PAPPA: variants seen among roughly 807,000 people sequenced by gnomAD.
PAPPA encodes the protein pappalysin-1.
Under a neutral mutation model 164.0 loss-of-function variants are expected in PAPPA, and 60 were observed. That is an observed-to-expected ratio of 0.37 (90% confidence interval 0.30 to 0.45). The LOEUF (loss-of-function observed/expected upper bound fraction) is 0.45, where lower values mean the gene tolerates loss of function less well. PAPPA is among the 20% of genes least tolerant of loss of function. The pLI is 1.00. For synonymous variants in PAPPA, 875 were observed against 814.1 expected (o/e 1.07, Z -1.27); for missense variants, 1,782 against 2,087.3 (o/e 0.85, Z 2.85).
chr9:116,162,832 A>G (rs1426503732), intron 1 of PAPPA, among the ~76,000 whole-genome samples: 1 of 152,188 alleles, frequency 6.6e-6, no homozygotes, highest in Non-Finnish European at 1.5e-5. Context: ...AAAGCCAGGA[A>G]TTGCCTTTTC....
intron 1 of PAPPA, among the ~76,000 whole-genome samples, chr9:116,164,034 T>A (rs1041331957): frequency 6.6e-6 from 1 of 152,190 alleles, no homozygotes; most frequent in Non-Finnish European, 1.5e-5. Context: ...CATCACTTAC[T>A]GGGTGAATGC....
chr9:116,389,204 C>A (rs185976064), intron 21 of PAPPA, among the ~76,000 whole-genome samples: 54 of 148,176 alleles, frequency 3.6e-4, no homozygotes, highest in African/African-American at 1.4e-3. Context: ...ATAATCTTGG[C>A]TCACTGCAAC....
At chr9:116,248,695 G>T (rs1274764568) in intron 7 of PAPPA, among the ~76,000 whole-genome samples, 2 of 152,130 alleles carry the variant, frequency 1.3e-5, no homozygotes, top group Admixed American at 1.3e-4. Flanking sequence ...TAGAGGTGGG[G>T]GCTGTGTAAT....
intron 10 of PAPPA, among the ~76,000 whole-genome samples, chr9:116,327,736 C>T (rs72754265): frequency 6.6e-6 from 1 of 152,204 alleles, no homozygotes; most frequent in Non-Finnish European, 1.5e-5. Context: ...TGCCATATGC[C>T]CTCAGTAAAT....
chr9:116,372,106 T>C lies in PAPPA; in HGVS notation c.4605+4352T>C, dbSNP rs988841273. ...TTCCCTGTACATGCACTTTTCAAAGTGATTAGAGGTACAGAGAACTCTTCC... is the reference window on the plus strand; with the variant it reads ...TTCCCTGTACATGCACTTTTCAAAGCGATTAGAGGTACAGAGAACTCTTCC... On this transcript the variant is annotated intron_variant, in intron 19 of 21. Transcript: ENST00000328252. Among the ~76,000 whole-genome samples the C allele has an allele frequency of 1.7e-4, 26 of 152,340 alleles. 1 individual carries two copies. In the Middle Eastern group the frequency reaches 0.017, roughly 100 times the overall value.
At chr9:116,335,338 T>C (rs543775241) in intron 13 of PAPPA, among the ~76,000 whole-genome samples, 11 of 152,072 alleles carry the variant, frequency 7.2e-5, no homozygotes, top group Non-Finnish European at 1.3e-4. Flanking sequence ...AGCTTGCAGG[T>C]TGACCCTGGA....
At chr9:116,284,326 T>A (rs1425288983) in intron 9 of PAPPA, among the ~76,000 whole-genome samples, 4 of 152,192 alleles carry the variant, frequency 2.6e-5, no homozygotes, top group Admixed American at 2.6e-4. Context: ...AATATTTTTC[T>A]CTTTTGTCTT....
chr9:116,373,274 T>TTTAC (rs1846600024), intron 19 of PAPPA: 1 of 152,068 alleles, frequency 6.6e-6, no homozygotes, highest in South Asian at 2.1e-4. Flanking sequence ...CATTTGTTCA[T>TTTAC]TTACTTATTC....
chr9:116,163,294 A>G (rs2118978168), intron 1 of PAPPA, among the ~76,000 whole-genome samples: 1 of 152,280 alleles, frequency 6.6e-6, no homozygotes, highest in South Asian at 2.1e-4. Context: ...GGGAGTGGGG[A>G]TGCAGGAGGA....
chr9:116,160,327 T>C (rs1175660114), intron 1 of PAPPA, among the ~76,000 whole-genome samples: 5 of 152,194 alleles, frequency 3.3e-5, no homozygotes, highest in African/African-American at 9.6e-5. Context: ...TCCAGTGCCA[T>C]TCCTGTGTGG....
intron 2 of PAPPA, among the ~76,000 whole-genome samples, chr9:116,188,717 T>A (rs1844008133): frequency 6.6e-6 from 1 of 152,330 alleles, no homozygotes; most frequent in South Asian, 2.1e-4. Context: ...AACACTTCAG[T>A]CATCACAGAA....
At chr9:116,375,581 C>T (rs1220055411) in intron 19 of PAPPA, among the ~76,000 whole-genome samples, 1 of 152,158 alleles carries the variant, frequency 6.6e-6, no homozygotes, top group African/African-American at 2.4e-5. Context: ...ATTTATTTAG[C>T]ATCCCCTCTG....
At chr9:116,342,508 T>G (rs1286733991) in intron 13 of PAPPA, among the ~76,000 whole-genome samples, 1 of 152,116 alleles carries the variant, frequency 6.6e-6, no homozygotes, top group East Asian at 1.9e-4. Context: ...AAAAGTAAAT[T>G]GGTTTGTGAT....
At chr9:116,259,605 G>T (rs1265237044) in intron 7 of PAPPA, among the ~76,000 whole-genome samples, 2 of 152,130 alleles carry the variant, frequency 1.3e-5, no homozygotes, top group Admixed American at 1.3e-4. Flanking sequence ...GTATCATTTA[G>T]TAACCATCAG....
intron 21 of PAPPA, among the ~76,000 whole-genome samples, chr9:116,392,717 A>G (rs1307985066): frequency 6.6e-6 from 1 of 152,148 alleles, no homozygotes; most frequent in Non-Finnish European, 1.5e-5. Context: ...AGAAAACACC[A>G]TGTGTCTCCT....
At chr9:116,235,050 A>C (rs545490528) in intron 6 of PAPPA, 89 bp from the exon 7 acceptor site, 202 of 1,485,964 alleles carry the variant, frequency 1.4e-4, no homozygotes, top group Non-Finnish European at 1.8e-4. Context: ...TTCTAGTCAG[A>C]CCAATTTCTC....
At chr9:116,208,535 T>G (rs1844266170) in intron 3 of PAPPA, among the ~76,000 whole-genome samples, 1 of 152,206 alleles carries the variant, frequency 6.6e-6, no homozygotes, top group Non-Finnish European at 1.5e-5. Context: ...TGCCATTTAT[T>G]TAATCATTTT....
chr9:116,208,824 TTG>T lies in PAPPA; in HGVS notation c.1624+1240_1624+1241del, dbSNP rs147986618. On this transcript the variant is annotated intron_variant, in intron 3 of 21. Transcript: ENST00000328252. ...TTGTTTTTTAGAGAATGAAACCAAT[TTG>T]TGTGTGTGTGTGTGTGCGTGTGTGT... Among the ~76,000 whole-genome samples, 1,361 of 150,594 alleles carry T rather than the reference TTG, an allele frequency of 9.0e-3. 17 individuals carry two copies. Among genetic ancestry groups the T allele is most frequent in the African/African-American group, 0.025 (1,013 of 41,162 alleles).
chr9:116,368,986 T>G (rs1029640491), intron 19 of PAPPA, among the ~76,000 whole-genome samples: 4 of 152,158 alleles, frequency 2.6e-5, no homozygotes, highest in Non-Finnish European at 5.9e-5. Context: ...CTGCTTCCTC[T>G]TTCTCTTTTG....
Sources: allele counts gnomAD v4.1 joint callset (sites outside exome capture counted in the v4.1 genomes callset), GRCh38; gene constraint gnomAD v4.1.1; transcripts MANE v1.5; gene names NCBI Gene and HGNC (gene_info 2026-07-23, HGNC 2026-07-21).